TAFA1: variants seen among roughly 807,000 people sequenced by gnomAD.
TAFA1 encodes TAFA chemokine like family member 1.
A neutral mutation model predicts 18.5 loss-of-function variants in TAFA1; 4 were observed. The ratio of observed to expected loss-of-function variants is 0.22; its 90% CI spans 0.11 to 0.49. TAFA1 has a LOEUF of 0.49. Ranked by LOEUF, TAFA1 falls within the 20% of genes least tolerant of loss-of-function variation. The probability of loss-of-function intolerance (pLI) is 0.98; values close to 1 mark genes in which losing one functional copy is unlikely to be tolerated. For synonymous variants in TAFA1, 56 were observed against 55.2 expected (o/e 1.01, Z -0.06); for missense variants, 147 against 169.0 (o/e 0.87, Z 0.72).
chr3:68,211,000 G>C (rs1232256525), intron 2 of TAFA1, among the ~76,000 whole-genome samples: 2 of 151,964 alleles, frequency 1.3e-5, no homozygotes, highest in Non-Finnish European at 1.5e-5. Context: ...GCTGGCTATT[G>C]AAAGGAGACC....
chr3:68,538,912 T>C (rs764482267), intron 4 of TAFA1, 32 bp downstream of exon 4: 4 of 1,609,556 alleles, frequency 2.5e-6, no homozygotes, highest in South Asian at 2.2e-5. Context: ...GTATTTTGGA[T>C]GTTACAGACT....
intron 2 of TAFA1, among the ~76,000 whole-genome samples, chr3:68,407,462 T>C (rs1345323112): frequency 6.6e-6 from 1 of 152,138 alleles, no homozygotes; most frequent in African/African-American, 2.4e-5. Flanking sequence ...GGACAAGAAT[T>C]GAAATGAAAT....
intron 2 of TAFA1, among the ~76,000 whole-genome samples, chr3:68,398,287 C>T (rs1342497510): frequency 2.0e-5 from 3 of 152,164 alleles, no homozygotes; most frequent in African/African-American, 7.2e-5. Context: ...ACTATCTGAT[C>T]TTCCACAAAC....
At chr3:68,330,604 C>A (rs2068850463) in intron 2 of TAFA1, among the ~76,000 whole-genome samples, 1 of 152,146 alleles carries the variant, frequency 6.6e-6, no homozygotes, top group African/African-American at 2.4e-5. Context: ...GGTATGTTAT[C>A]AATATTCACA....
intron 2 of TAFA1, among the ~76,000 whole-genome samples, chr3:68,260,709 C>T (rs866162982): frequency 6.6e-6 from 1 of 152,110 alleles, no homozygotes; most frequent in South Asian, 2.1e-4. Flanking sequence ...GGAAAACTGG[C>T]TAGCCATATG....
In TAFA1 at chr3:68,037,319, G is replaced by A. The variant is rs78960331; in HGVS notation, c.118+30575G>A. 8.2e-3 allele frequency among the ~76,000 whole-genome samples: 1,241 copies of A among 152,226 alleles called. 17 individuals carry two copies. Among genetic ancestry groups the A allele is most frequent in the African/African-American group, 0.028 (1,162 of 41,520 alleles). Reference sequence around the variant, plus strand: ...CTGGAGATGACGCCAAAGAGGAAAGGACCAGATGTGCAGGGCCTTGTGTAT... The same window carrying A: ...CTGGAGATGACGCCAAAGAGGAAAGAACCAGATGTGCAGGGCCTTGTGTAT... On this transcript the variant is annotated intron_variant, in intron 2 of 4. Transcript: ENST00000478136.
At chr3:68,080,097 T>C (rs1435030532) in intron 2 of TAFA1, among the ~76,000 whole-genome samples, 3 of 152,216 alleles carry the variant, frequency 2.0e-5, no homozygotes, top group African/African-American at 7.2e-5. Context: ...TGATCTTTGT[T>C]GGTTTAAAGT....
At chr3:68,426,184 T>C (rs192022398) in intron 3 of TAFA1, among the ~76,000 whole-genome samples, 6 of 152,062 alleles carry the variant, frequency 3.9e-5, no homozygotes, top group African/African-American at 1.4e-4. Context: ...TACCCCGTAA[T>C]TATTTATCAA....
At chr3:67,995,565 A>T in the TAFA1 span, among the ~76,000 whole-genome samples, 146,485 of 152,206 alleles carry the variant, frequency 0.96, 70,509 homozygotes, top group South Asian at 0.99. Context: ...TTCTTCTCCC[A>T]GAGCTGGGAC....
chr3:68,116,161 A>G (rs2065322129), intron 2 of TAFA1, among the ~76,000 whole-genome samples: 1 of 152,174 alleles, frequency 6.6e-6, no homozygotes, highest in Non-Finnish European at 1.5e-5. Context: ...AGGCTGAGGC[A>G]GGAGAATGGC....
intron 3 of TAFA1, among the ~76,000 whole-genome samples, chr3:68,490,851 G>GT (rs2072438993): frequency 1.1e-5 from 1 of 94,558 alleles, no homozygotes; most frequent in Non-Finnish European, 2.3e-5. Flanking sequence ...TTTTTTTTTT[G>GT]TGGGGGGGAC....
At chr3:68,336,606 A>G (rs1465882382) in intron 2 of TAFA1, among the ~76,000 whole-genome samples, 1 of 152,220 alleles carries the variant, frequency 6.6e-6, no homozygotes, top group African/African-American at 2.4e-5. Context: ...GAAAGGTATG[A>G]GGATGAAAAG....
At chr3:68,543,012 G>C (rs1448632299) in intron 4 of TAFA1, among the ~76,000 whole-genome samples, 1 of 152,234 alleles carries the variant, frequency 6.6e-6, no homozygotes, top group East Asian at 1.9e-4. Flanking sequence ...TCAACAGAAA[G>C]GTTTTAGGAT....
At chr3:68,013,919 G>A (rs111958286) in intron 2 of TAFA1, among the ~76,000 whole-genome samples, 104 of 152,280 alleles carry the variant, frequency 6.8e-4, no homozygotes, top group African/African-American at 2.3e-3. Context: ...TTTCTTTAAC[G>A]CAGGGAAGGA....
intron 2 of TAFA1, among the ~76,000 whole-genome samples, chr3:68,117,285 A>ATTAATT (rs2065335782): frequency 1.3e-5 from 2 of 152,158 alleles, no homozygotes; most frequent in African/African-American, 4.8e-5. Flanking sequence ...ATTTACGCAA[A>ATTAATT]ACTTCTCAGG....
chr3:68,346,237 G>C (rs1207873382), intron 2 of TAFA1, among the ~76,000 whole-genome samples: 2 of 152,126 alleles, frequency 1.3e-5, no homozygotes, highest in African/African-American at 2.4e-5. Flanking sequence ...GCTCACTGCA[G>C]CCTCACCCTC....
intron 3 of TAFA1, among the ~76,000 whole-genome samples, chr3:68,493,006 C>T (rs1304561717): frequency 6.6e-6 from 1 of 152,006 alleles, no homozygotes; most frequent in Admixed American, 6.6e-5. Context: ...ATACACATAC[C>T]ATAGTACTTA....
chr3:68,288,201 C>G (rs751034837), intron 2 of TAFA1, among the ~76,000 whole-genome samples: 20 of 152,140 alleles, frequency 1.3e-4, no homozygotes, highest in Non-Finnish European at 1.9e-4. Flanking sequence ...GCAGTAATAA[C>G]TTTCCCACAT....
At chr3:68,327,132 A>G (rs2068788971) in intron 2 of TAFA1, among the ~76,000 whole-genome samples, 1 of 152,158 alleles carries the variant, frequency 6.6e-6, no homozygotes, top group Non-Finnish European at 1.5e-5. Flanking sequence ...GCCACCATGT[A>G]AGACATGTCT....
Sources: allele counts gnomAD v4.1 joint callset (sites outside exome capture counted in the v4.1 genomes callset), GRCh38; gene constraint gnomAD v4.1.1; transcripts MANE v1.5; gene names NCBI Gene and HGNC (gene_info 2026-07-23, HGNC 2026-07-21).